The following ALG8 variants were observed in gnomAD, a reference collection of about 807,000 sequenced individuals.
The protein encoded by ALG8 is ALG8 alpha-1,3-glucosyltransferase.
ALG8 carries 48 observed loss-of-function variants against 70.2 expected under a neutral mutation model. The observed-to-expected ratio is 0.68, with a 90% CI of 0.54 to 0.87. The LOEUF is 0.87. ALG8 is among the 40% of genes least tolerant of loss of function. ALG8 has a pLI of 0.00. For synonymous variants in ALG8, 234 were observed against 229.0 expected, an observed-to-expected ratio of 1.02 and a Z score of -0.20; for missense variants, 572 against 608.7, an observed-to-expected ratio of 0.94 and a Z score of 0.64.
At chr11:78,116,067 G>A (rs1459010104) in intron 5 of ALG8, among the ~76,000 whole-genome samples, 1 of 152,096 alleles carries the variant, frequency 6.6e-6, no homozygotes, top group Non-Finnish European at 1.5e-5. Context: ...GATGTAAAAA[G>A]AACAAACAAA....
At chr11:78,104,888 T>G (rs1004949162) in intron 10 of ALG8, among the ~76,000 whole-genome samples, 3 of 150,160 alleles carry the variant, frequency 2.0e-5, no homozygotes, top group African/African-American at 7.4e-5. Flanking sequence ...TGCTTGAACC[T>G]GGGAGGCAGA....
intron 8 of ALG8, among the ~76,000 whole-genome samples, chr11:78,110,618 G>C (rs936272986): frequency 6.6e-6 from 1 of 152,166 alleles, no homozygotes; most frequent in Non-Finnish European, 1.5e-5. Context: ...CCAGTACATA[G>C]GAGCTCAATA....
chr11:78,106,939 A>G lies in ALG8; in HGVS notation c.1046T>C (p.Ile349Thr). The change falls in exon 10 of 13, where the codon ATT becomes ACT. Residue 349 changes from isoleucine to threonine, a missense_variant. Coordinates refer to ENST00000299626, the MANE Select transcript of ALG8 (RefSeq NM_024079.5). ...ICTLIAILPSIFCLWFKPQGP... is the reference protein window; with the variant it reads ...ICTLIAILPSTFCLWFKPQGP... ...TTGGGGTTTAAACCAAAGACAGAAA[A>G]TAGAGGGCTAGAAACAACAGGCAAA... 1 of 1,614,062 alleles carries G rather than the reference A, an allele frequency of 6.2e-7. No homozygotes were observed. Among genetic ancestry groups the G allele is most frequent in the Admixed American group, 1.7e-5 (1 of 60,018 alleles).
At chr11:78,114,969 C>T (rs916327113) in intron 5 of ALG8, among the ~76,000 whole-genome samples, 2 of 152,114 alleles carry the variant, frequency 1.3e-5, no homozygotes, top group African/African-American at 4.8e-5. Context: ...GAGTGAGACC[C>T]TGTCTCCAAA....
intron 10 of ALG8, among the ~76,000 whole-genome samples, chr11:78,105,649 A>T (rs1430255631): frequency 1.1e-5 from 1 of 89,904 alleles, no homozygotes; most frequent in South Asian, 3.4e-4. Context: ...ACCAAAAAGT[A>T]AAAAAAAAAA....
chr11:78,124,481 T>C (rs1860976258), intron 2 of ALG8, among the ~76,000 whole-genome samples: 1 of 152,244 alleles, frequency 6.6e-6, no homozygotes, highest in African/African-American at 2.4e-5. Flanking sequence ...AGTGAAATGC[T>C]GTTGCACTTA....
intron 1 of ALG8, among the ~76,000 whole-genome samples, chr11:78,127,702 T>C (rs892210181): frequency 1.4e-5 from 2 of 139,090 alleles, no homozygotes; most frequent in African/African-American, 5.6e-5. Context: ...AGACTTTCTC[T>C]TTTTCTTTTC....
intron 2 of ALG8, among the ~76,000 whole-genome samples, chr11:78,125,699 CA>C (rs1169379453): frequency 6.6e-6 from 1 of 151,738 alleles, no homozygotes; most frequent in Non-Finnish European, 1.5e-5. Flanking sequence ...ATCGCTTACT[CA>C]GGAGGCTAAA....
At chr11:78,106,613 A>G (rs906197180) in intron 10 of ALG8, among the ~76,000 whole-genome samples, 194 bp downstream of exon 10, 5 of 152,252 alleles carry the variant, frequency 3.3e-5, no homozygotes, top group African/African-American at 1.2e-4. Context: ...GAAATAGTAC[A>G]TGCATTTTTG....
intron 7 of ALG8, 92 bp from the exon 8 acceptor site, chr11:78,112,862 T>A: frequency 6.7e-7 from 1 of 1,489,298 alleles, no homozygotes; most frequent in Non-Finnish European, 9.1e-7. Context: ...GTATAGTGTG[T>A]AGAAAGTTAT....
At position 78,106,919 on chromosome 11, in the gene ALG8, G is replaced by C; in HGVS notation, c.1066C>G (p.Pro356Ala). Reference protein sequence around the residue: ...LPSIFCLWFKPQGPRGFLRCL... With the variant: ...LPSIFCLWFKAQGPRGFLRCL... The stretch of plus-strand genomic sequence containing the variant: ...CGGAGAAAGCCTCTGGGCCCTTGGG[G>C]TTTAAACCAAAGACAGAAAATAGAG... Residue 356 changes from proline (P) to alanine (A), a missense_variant, in exon 10 of 13, where the codon CCC (proline) becomes GCC (alanine). Transcript: ENST00000299626. 2 of 1,613,938 alleles carry C rather than the reference G, an allele frequency of 1.2e-6. No homozygotes were observed. Among genetic ancestry groups the C allele is most frequent in the Non-Finnish European group, 1.7e-6 (2 of 1,179,908 alleles).
At chr11:78,101,775 A>G (rs616892) in intron 12 of ALG8, among the ~76,000 whole-genome samples, 31,746 of 152,174 alleles carry the variant, frequency 0.21, 3,911 homozygotes, top group African/African-American at 0.34. Flanking sequence ...CATTTGAAAG[A>G]GGTAAAGGGG....
At chr11:78,109,382 G>T in intron 9 of ALG8, 60 bp downstream of exon 9, 1 of 1,606,986 alleles carries the variant, frequency 6.2e-7, no homozygotes, top group Non-Finnish European at 8.5e-7. Flanking sequence ...AATTTAATCA[G>T]CCAGACAAAA....
intron 4 of ALG8, 146 bp from the exon 5 acceptor site, chr11:78,119,395 G>A (rs900800746): frequency 5.5e-5 from 28 of 511,254 alleles, no homozygotes; most frequent in Non-Finnish European, 8.9e-5. Flanking sequence ...TCATAAATAT[G>A]TTTTCTATAA....
chr11:78,130,121 G>A (rs919852185), intron 1 of ALG8, among the ~76,000 whole-genome samples: 1 of 152,106 alleles, frequency 6.6e-6, no homozygotes, highest in African/African-American at 2.4e-5. Context: ...GGAGGCCAAG[G>A]CGGGTGGATC....
At chr11:78,102,026 G>A (rs1481130340) in intron 12 of ALG8, among the ~76,000 whole-genome samples, 1 of 152,148 alleles carries the variant, frequency 6.6e-6, no homozygotes, top group Non-Finnish European at 1.5e-5. Context: ...ATTTTCTATA[G>A]AGACAAGGTT....
chr11:78,109,670 G>A, intron 8 of ALG8, 89 bp from the exon 9 acceptor site: 3 of 1,287,656 alleles, frequency 2.3e-6, no homozygotes, highest in Non-Finnish European at 3.3e-6. Context: ...GGAATAAAAA[G>A]TAAGCTACTA....
At chr11:78,101,306 G>T in intron 12 of ALG8, 111 bp from the exon 13 acceptor site, 1 of 887,050 alleles carries the variant, frequency 1.1e-6, no homozygotes, top group Non-Finnish European at 1.8e-6. Flanking sequence ...AATTATTATA[G>T]CCAAGGCCAG....
intron 3 of ALG8, among the ~76,000 whole-genome samples, chr11:78,123,322 A>AG (rs1565357090): frequency 6.9e-6 from 1 of 145,202 alleles, no homozygotes; most frequent in East Asian, 2.0e-4. Flanking sequence ...AAAGAAAAAA[A>AG]AAAAAAAAAA....
Sources: allele counts gnomAD v4.1 joint callset (sites outside exome capture counted in the v4.1 genomes callset), GRCh38; gene constraint gnomAD v4.1.1; transcripts MANE v1.5; gene names NCBI Gene and HGNC (gene_info 2026-07-23, HGNC 2026-07-21).